Variants in ETFA observed in about 807,000 individuals in gnomAD.
ETFA encodes electron transfer flavoprotein subunit alpha, mitochondrial.
Under a neutral mutation model 46.2 loss-of-function variants are expected in ETFA, and 22 were observed. That is an observed-to-expected ratio of 0.48 (90% CI 0.34 to 0.68). The LOEUF (loss-of-function observed/expected upper bound fraction) is 0.68, where lower values mean the gene tolerates loss of function less well. Among genes scored for constraint, ETFA ranks in the 30% least tolerant of loss-of-function variants. The pLI is 0.01. For missense variants in ETFA, 345 were observed against 401.1 expected (o/e 0.86, Z 1.19); for synonymous variants, 131 against 139.9 (o/e 0.94, Z 0.45).
intron 1 of ETFA, among the ~76,000 whole-genome samples, chr15:76,311,129 G>T (rs1322245905): frequency 6.6e-6 from 1 of 152,204 alleles, no homozygotes; most frequent in African/African-American, 2.4e-5. Context: ...ATCATTCGGG[G>T]TCACCCTGAC....
At chr15:76,274,740 C>T (rs932629897) in intron 8 of ETFA, among the ~76,000 whole-genome samples, 2 of 152,106 alleles carry the variant, frequency 1.3e-5, no homozygotes, top group African/African-American at 4.8e-5. Flanking sequence ...TTTAGAATGT[C>T]ATTATATAAT....
At chr15:76,284,293 C>T (rs8040590) in intron 7 of ETFA, 4,348 of 167,078 alleles carry the variant, frequency 0.026, 206 homozygotes, top group African/African-American at 0.1. Flanking sequence ...TGTCATAGAA[C>T]AGATAACCAA....
chr15:76,274,875 T>C (rs1041385400), intron 8 of ETFA, among the ~76,000 whole-genome samples: 2 of 152,186 alleles, frequency 1.3e-5, no homozygotes, highest in African/African-American at 2.4e-5. Context: ...TTAACCAGTA[T>C]TTGCTATCAA....
intron 11 of ETFA, among the ~76,000 whole-genome samples, chr15:76,217,102 C>T (rs868044621): frequency 9.2e-5 from 14 of 152,154 alleles, no homozygotes; most frequent in Middle Eastern, 3.4e-3. Context: ...CAGGCGTGAA[C>T]CACTGCACAC....
chr15:76,263,185 C>T (rs1410389619), intron 9 of ETFA, among the ~76,000 whole-genome samples: 3 of 152,206 alleles, frequency 2.0e-5, no homozygotes, highest in African/African-American at 7.2e-5. Context: ...ATAGTGTGGG[C>T]TTCCAGAGCT....
intron 9 of ETFA, among the ~76,000 whole-genome samples, chr15:76,235,869 T>A (rs1472404300): frequency 6.6e-6 from 1 of 152,228 alleles, no homozygotes; most frequent in Non-Finnish European, 1.5e-5. Context: ...TCTATCCCCA[T>A]CTGTTCCTGC....
At chr15:76,260,443 G>A (rs2039397185) in intron 9 of ETFA, 39 of 1,583,736 alleles carry the variant, frequency 2.5e-5, no homozygotes, top group South Asian at 3.4e-5. Context: ...CTGTGAGGAG[G>A]GCCCTTCTGG....
chr15:76,303,850 A>T (rs1401255266), intron 1 of ETFA, among the ~76,000 whole-genome samples: 1 of 152,248 alleles, frequency 6.6e-6, no homozygotes, highest in Non-Finnish European at 1.5e-5. Flanking sequence ...GCTGGTGAGG[A>T]TGTAAATTAG....
At chr15:76,216,709 G>T in intron 11 of ETFA, 112 bp from the exon 12 acceptor site, 1 of 741,246 alleles carries the variant, frequency 1.3e-6, no homozygotes, top group East Asian at 2.5e-5. Context: ...TCACTGTTGA[G>T]GCACGAGGGC....
chr15:76,284,997 CAAT>C (rs1490805615), intron 7 of ETFA: 4 of 300,856 alleles, frequency 1.3e-5, no homozygotes, highest in African/African-American at 4.7e-5. Flanking sequence ...TTTTTTTTCT[CAAT>C]GATACTTGCA....
chr15:76,276,579 C>G (rs2039593818), intron 8 of ETFA, among the ~76,000 whole-genome samples: 1 of 152,090 alleles, frequency 6.6e-6, no homozygotes, highest in Admixed American at 6.6e-5. Flanking sequence ...CTCTTAGAAG[C>G]TGTTCCACAA....
chr15:76,257,305 T>C (rs548835214), intron 9 of ETFA, among the ~76,000 whole-genome samples: 20 of 152,118 alleles, frequency 1.3e-4, no homozygotes, highest in African/African-American at 2.7e-4. Flanking sequence ...TTTAGAAGGG[T>C]TGGGCTCAGA....
intron 9 of ETFA, among the ~76,000 whole-genome samples, chr15:76,248,889 A>AT (rs2039268426): frequency 6.6e-6 from 1 of 152,020 alleles, no homozygotes; most frequent in Non-Finnish European, 1.5e-5. Context: ...AAAATAAAAA[A>AT]AAAAAATTCC....
intron 9 of ETFA, among the ~76,000 whole-genome samples, chr15:76,268,332 G>A (rs1416438682): frequency 6.6e-6 from 1 of 152,122 alleles, no homozygotes; most frequent in African/African-American, 2.4e-5. Context: ...GGAGACTGGA[G>A]GGACCCATGG....
At chr15:76,219,512 G>A (rs2038933621) in intron 11 of ETFA, among the ~76,000 whole-genome samples, 2 of 152,156 alleles carry the variant, frequency 1.3e-5, no homozygotes, top group South Asian at 4.1e-4. Context: ...GCACATCAAA[G>A]GATATTCTCA....
rs572980895 is a variant in ETFA at position 76,234,699 on chromosome 15, T to C, written c.817-3301A>G. On this transcript the variant is annotated intron_variant, in intron 9 of 11. Coordinates refer to ENST00000557943, the MANE Select transcript of ETFA (RefSeq NM_000126.4). Reference sequence around the variant, plus strand: ...GAATGGATCAACCCCAGGTGGCTGATAGCAGTCTGAGTTGATCACTCTGTG... The same window carrying C: ...GAATGGATCAACCCCAGGTGGCTGACAGCAGTCTGAGTTGATCACTCTGTG... Among the ~76,000 whole-genome samples, 5 of 152,262 alleles carry C rather than the reference T, an allele frequency of 3.3e-5. No individual in the cohort carries two copies. In the East Asian group the frequency reaches 7.7e-4, roughly 24 times the overall value.
chr15:76,223,216 C>CTTT lies in ETFA; in HGVS notation c.963+2630_963+2632dup, dbSNP rs3065601. On this transcript the variant is annotated intron_variant, in intron 11 of 11. Transcript: ENST00000557943. ...ATACATATATAACTGTACTTCAGAA[C>CTTT]TTTTTTTTTTTTTTTTTTTGAGACA... 3.2e-3 allele frequency among the ~76,000 whole-genome samples: 386 copies of CTTT among 121,956 alleles called. 20 individuals are homozygous for CTTT. Among genetic ancestry groups the CTTT allele is most frequent in the Non-Finnish European group, 4.5e-3 (270 of 60,592 alleles). 80.0% of individuals were successfully genotyped at this position (121,956 alleles called of 152,430 possible).
At chr15:76,273,972 T>C (rs2039568078) in intron 9 of ETFA, among the ~76,000 whole-genome samples, 1 of 152,182 alleles carries the variant, frequency 6.6e-6, no homozygotes, top group African/African-American at 2.4e-5. Flanking sequence ...AAACTAGGTG[T>C]TCAGGAAGAT....
chr15:76,302,554 G>A (rs2039890305), intron 1 of ETFA, among the ~76,000 whole-genome samples: 1 of 149,578 alleles, frequency 6.7e-6, no homozygotes, highest in Non-Finnish European at 1.5e-5. Context: ...GGGGGAGTGG[G>A]GGCGGGGGCA....
Sources: allele counts gnomAD v4.1 joint callset (sites outside exome capture counted in the v4.1 genomes callset), GRCh38; gene constraint gnomAD v4.1.1; transcripts MANE v1.5; gene names NCBI Gene and HGNC (gene_info 2026-07-23, HGNC 2026-07-21).